The following EDIL3 variants were observed in gnomAD, a reference collection of about 807,000 sequenced individuals.
EDIL3 encodes the protein EGF-like repeat and discoidin I-like domain-containing protein 3.
In EDIL3, 37 loss-of-function variants were observed where a neutral mutation model predicts 67.4. The ratio of observed to expected loss-of-function variants is 0.55; its 90% CI spans 0.42 to 0.72. The LOEUF is 0.72. Among genes scored for constraint, EDIL3 ranks in the 30% least tolerant of loss-of-function variants. EDIL3 has a pLI of 0.00. For synonymous variants in EDIL3, 195 were observed against 196.3 expected, an observed-to-expected ratio of 0.99 and a Z score of 0.05; for missense variants, 527 against 586.3, an observed-to-expected ratio of 0.90 and a Z score of 1.04.
At chr5:84,001,882 A>G (rs1745337510) in intron 9 of EDIL3, among the ~76,000 whole-genome samples, 1 of 152,114 alleles carries the variant, frequency 6.6e-6, no homozygotes, top group South Asian at 2.1e-4. Flanking sequence ...ATAGAGGAGG[A>G]AGGAATACTT....
intron 1 of EDIL3, among the ~76,000 whole-genome samples, chr5:84,311,035 T>A (rs892567353): frequency 2.0e-5 from 3 of 152,192 alleles, no homozygotes; most frequent in African/African-American, 7.2e-5. Flanking sequence ...ATCAATATCA[T>A]TGGATGAAGT....
In EDIL3 at chr5:84,182,758, T is replaced by C. The variant is rs563535115; in HGVS notation, c.227-2237A>G. Reference sequence around the variant, plus strand: ...AACTGTACAGTTCCCGGACCTTGACTTCCCGATAGGACTGATTTTCAAAAA... The same window carrying C: ...AACTGTACAGTTCCCGGACCTTGACCTCCCGATAGGACTGATTTTCAAAAA... On this transcript the variant is annotated intron_variant, in intron 3 of 10. Coordinates refer to ENST00000296591, the MANE Select transcript of EDIL3 (RefSeq NM_005711.5). Among the ~76,000 whole-genome samples the C allele has an allele frequency of 3.2e-4, 48 of 151,944 alleles. 2 individuals are homozygous for C. In the South Asian group the frequency reaches 8.5e-3, roughly 27 times the overall value.
At chr5:84,291,881 T>A (rs959282031) in intron 1 of EDIL3, among the ~76,000 whole-genome samples, 22 of 150,920 alleles carry the variant, frequency 1.5e-4, no homozygotes, top group Non-Finnish European at 2.8e-4. Context: ...GTAATAACTT[T>A]AACAAAAGTA....
intron 1 of EDIL3, 127 bp from the exon 2 acceptor site, chr5:84,254,339 C>T: frequency 9.2e-7 from 1 of 1,082,576 alleles, no homozygotes; most frequent in Non-Finnish European, 1.3e-6. Context: ...AAGATTCACA[C>T]ATAAGATCTG....
intron 2 of EDIL3, among the ~76,000 whole-genome samples, chr5:84,234,010 A>C (rs1169239904): frequency 6.6e-6 from 1 of 152,192 alleles, no homozygotes; most frequent in Non-Finnish European, 1.5e-5. Flanking sequence ...GGGAAAATAC[A>C]TACTGTGTAT....
chr5:84,113,877 C>T (rs748160665), intron 5 of EDIL3, among the ~76,000 whole-genome samples: 45 of 152,300 alleles, frequency 3.0e-4, no homozygotes, highest in Non-Finnish European at 5.9e-4. Context: ...TCATCTTATA[C>T]GAGTGAGTCC....
At chr5:84,223,721 A>G (rs1187909082) in intron 3 of EDIL3, among the ~76,000 whole-genome samples, 3 of 151,486 alleles carry the variant, frequency 2.0e-5, no homozygotes, top group Non-Finnish European at 4.4e-5. Context: ...TATGGCAATA[A>G]TATTGTATTA....
chr5:84,371,321 A>G (rs903566308), intron 1 of EDIL3, among the ~76,000 whole-genome samples: 1 of 127,806 alleles, frequency 7.8e-6, no homozygotes, highest in African/African-American at 3.6e-5. Context: ...GATAAAAAGT[A>G]TATATATATA....
intron 4 of EDIL3, among the ~76,000 whole-genome samples, chr5:84,177,996 T>C (rs1025520773): frequency 6.6e-5 from 10 of 152,142 alleles, no homozygotes; most frequent in Non-Finnish European, 1.2e-4. Flanking sequence ...GTCTGAAAAA[T>C]TGTTTAATTT....
chr5:84,212,979 G>C (rs1744158829), intron 3 of EDIL3, among the ~76,000 whole-genome samples: 1 of 145,134 alleles, frequency 6.9e-6, no homozygotes, highest in South Asian at 2.1e-4. Flanking sequence ...GTCATTTGGT[G>C]AAACAAACAG....
chr5:84,378,375 C>T (rs992368354), intron 1 of EDIL3, among the ~76,000 whole-genome samples: 12 of 152,082 alleles, frequency 7.9e-5, no homozygotes, highest in Non-Finnish European at 8.8e-5. Flanking sequence ...CTTACCACTC[C>T]CCACCCCAAA....
chr5:83,985,066 C>A (rs1745036483), intron 9 of EDIL3, among the ~76,000 whole-genome samples: 1 of 151,840 alleles, frequency 6.6e-6, no homozygotes, highest in African/African-American at 2.4e-5. Flanking sequence ...TCCCTGGATT[C>A]CTTCTTTTTC....
At chr5:84,266,734 C>A (rs192721384) in intron 1 of EDIL3, among the ~76,000 whole-genome samples, 1 of 152,264 alleles carries the variant, frequency 6.6e-6, no homozygotes, top group Admixed American at 6.5e-5. Flanking sequence ...TATAACTAGC[C>A]TTAGGCCTAA....
intron 1 of EDIL3, among the ~76,000 whole-genome samples, chr5:84,262,866 T>C (rs553269507): frequency 3.8e-4 from 57 of 151,830 alleles, no homozygotes; most frequent in Non-Finnish European, 5.9e-4. Context: ...ATATGGGGTT[T>C]CACTGTGTTG....
chr5:84,341,828 T>C lies in EDIL3; in HGVS notation c.67+42480A>G, dbSNP rs1747123082. On this transcript the variant is annotated intron_variant, in intron 1 of 10. Transcript: ENST00000296591. Reference sequence around the variant, plus strand: ...CAACTATCTAAATATAATATCTCTTTTATATACCTGAATGTCCCTATGTTT... The same window carrying C: ...CAACTATCTAAATATAATATCTCTTCTATATACCTGAATGTCCCTATGTTT... Among the ~76,000 whole-genome samples, 3 of 152,050 alleles carry C rather than the reference T, an allele frequency of 2.0e-5. No individual in the cohort carries two copies. In the South Asian group the frequency reaches 6.2e-4, roughly 31 times the overall value.
chr5:84,121,534 GATCGATCTATCT>G (rs763630636), intron 5 of EDIL3, among the ~76,000 whole-genome samples: 2,304 of 99,990 alleles, frequency 0.023, 40 homozygotes, highest in African/African-American at 0.058. Context: ...CACTAACTTA[GATCGATCTATCT>G]ATCTATCTAT....
chr5:83,950,833 A>G (rs1744406935), intron 10 of EDIL3, among the ~76,000 whole-genome samples: 1 of 151,836 alleles, frequency 6.6e-6, no homozygotes, highest in Admixed American at 6.6e-5. Flanking sequence ...TTTGAGAAAT[A>G]CTACTTTGTC....
intron 3 of EDIL3, among the ~76,000 whole-genome samples, chr5:84,190,156 T>G (rs1743549084): frequency 6.6e-6 from 1 of 151,972 alleles, no homozygotes; most frequent in African/African-American, 2.4e-5. Flanking sequence ...CCTGATGGCC[T>G]TCAGAATAAC....
intron 2 of EDIL3, among the ~76,000 whole-genome samples, chr5:84,245,914 TAAAA>T (rs35831418): frequency 1.3e-4 from 18 of 143,982 alleles, no homozygotes; most frequent in Admixed American, 2.1e-4. Context: ...TTCTAAAATG[TAAAA>T]AAAAAAAAAA....
Sources: gnomAD v4.1 joint callset for allele counts (sites outside exome capture counted in the v4.1 genomes callset) on GRCh38, gnomAD v4.1.1 for gene constraint, MANE v1.5 for transcripts, NCBI Gene and HGNC (gene_info 2026-07-23, HGNC 2026-07-21) for gene names.